The following GATM variants were observed in gnomAD, a reference collection of about 807,000 sequenced individuals.
The protein encoded by GATM is glycine amidinotransferase, mitochondrial.
In GATM, 23 loss-of-function variants were observed where a neutral mutation model predicts 54.2. The ratio of observed to expected loss-of-function variants is 0.42; its 90% CI spans 0.31 to 0.60. The LOEUF (loss-of-function observed/expected upper bound fraction) is 0.60, where lower values mean the gene tolerates loss of function less well. Ranked by LOEUF, GATM falls within the 20% of genes least tolerant of loss-of-function variation. The pLI, the probability that GATM is intolerant of heterozygous loss-of-function variation, is 0.14. For missense variants in GATM, 401 were observed against 544.9 expected (o/e 0.74, Z 2.63); for synonymous variants, 168 against 183.1 (o/e 0.92, Z 0.67).
intron 1 of GATM, chr15:45,377,347 A>C: frequency 2.4e-6 from 1 of 424,774 alleles, no homozygotes; most frequent in South Asian, 1.7e-5. Flanking sequence ...ACCAGCTTCA[A>C]ATCAAATTTT....
chr15:45,394,412 G>C (rs1889904946), intron 3 of GATM, among the ~76,000 whole-genome samples: 1 of 152,160 alleles, frequency 6.6e-6, no homozygotes, highest in Non-Finnish European at 1.5e-5. Flanking sequence ...GGGGACTGCT[G>C]AAGTAGAGGA....
intron 1 of GATM, among the ~76,000 whole-genome samples, chr15:45,401,226 A>G (rs1452380090): frequency 6.6e-6 from 1 of 152,200 alleles, no homozygotes; most frequent in Non-Finnish European, 1.5e-5. Flanking sequence ...ACAGAATGAG[A>G]TCAGGAACTG....
chr15:45,369,875 G>C (rs1889510830), intron 2 of GATM, among the ~76,000 whole-genome samples: 1 of 152,090 alleles, frequency 6.6e-6, no homozygotes, highest in Non-Finnish European at 1.5e-5. Context: ...TTCTATTAGA[G>C]AGCCTCAATA....
At chr15:45,373,839 A>C (rs1323126660) in intron 2 of GATM, among the ~76,000 whole-genome samples, 1 of 152,222 alleles carries the variant, frequency 6.6e-6, no homozygotes, top group East Asian at 1.9e-4. Flanking sequence ...ACATGGCATG[A>C]AACAGAAATA....
At chr15:45,381,898 G>A (rs55721266), upstream of GATM, among the ~76,000 whole-genome samples, 14,968 of 152,246 alleles carry the variant, frequency 0.098, 838 homozygotes, top group Middle Eastern at 0.25. Flanking sequence ...AATATATTTG[G>A]AAGGATACAC....
chr15:45,366,665 A>G (rs138711936), intron 4 of GATM, among the ~76,000 whole-genome samples, 157 bp from the exon 5 acceptor site: 26 of 152,358 alleles, frequency 1.7e-4, no homozygotes, highest in African/African-American at 6.3e-4. Flanking sequence ...CGGGTCCATG[A>G]TAAATAAACC....
intron 2 of GATM, among the ~76,000 whole-genome samples, chr15:45,369,950 C>A (rs1186670060): frequency 1.3e-5 from 2 of 152,152 alleles, no homozygotes; most frequent in Admixed American, 1.3e-4. Context: ...AAGCCAAAAC[C>A]ATGGGCTATC....
intron 2 of GATM, chr15:45,397,284 C>T (rs1440917512): frequency 6.6e-6 from 1 of 151,964 alleles, no homozygotes; most frequent in Non-Finnish European, 1.5e-5. Flanking sequence ...TTTGTTCTAC[C>T]AAGGCAATTC....
intron 8 of GATM, among the ~76,000 whole-genome samples, 187 bp from the exon 9 acceptor site, chr15:45,362,408 C>T (rs1226806910): frequency 1.3e-5 from 2 of 152,134 alleles, no homozygotes; most frequent in African/African-American, 4.8e-5. Flanking sequence ...AAAATCTTCT[C>T]CAAAAAGTCA....
chr15:45,374,101 C>T (rs1000093876), intron 2 of GATM, among the ~76,000 whole-genome samples: 2 of 152,158 alleles, frequency 1.3e-5, no homozygotes, highest in African/African-American at 2.4e-5. Flanking sequence ...AGGTAGATAG[C>T]AAACTAGCAA....
chr15:45,375,041 C>T (rs1290840213), intron 2 of GATM, among the ~76,000 whole-genome samples: 2 of 152,068 alleles, frequency 1.3e-5, no homozygotes, highest in South Asian at 4.1e-4. Flanking sequence ...GATATAAGAA[C>T]GTTACAGATA....
chr15:45,378,424 C>A lies in GATM; in HGVS notation c.30G>T (p.Gly10=), dbSNP rs929095379. Residue 10 remains glycine (G), a synonymous_variant, in exon 1 of 9, where the codon GGG becomes GGT. Coordinates refer to ENST00000396659, the MANE Select transcript of GATM (RefSeq NM_001482.3). MLRVRCLRG[G]SRGAEAVHYI... is the part of the protein sequence containing the mutation. ...AGTGCACCGCCTCGGCGCCGCGGCT[C>A]CCGCCGCGCAGACACCGCACCCGCA... is the stretch of plus-strand genomic sequence containing the variant. The A allele has an allele frequency of 2.0e-6, 3 of 1,503,952 alleles. No individual in the cohort carries two copies. Among genetic ancestry groups the A allele is most frequent in the South Asian group, 1.2e-5 (1 of 80,428 alleles). The allele number at this position is 1,503,952 out of a possible 1,614,324, so 93.2% of individuals were successfully genotyped here. A position where few individuals can be genotyped will look rare whatever the true frequency, so the allele number is the denominator to read the frequency against.
chr15:45,378,620 C>T (rs2140661691), upstream of GATM: 1 of 507,718 alleles, frequency 2.0e-6, no homozygotes, highest in Non-Finnish European at 3.4e-6. Flanking sequence ...CATTGGCTGC[C>T]GGGAACAGGT....
intron 3 of GATM, among the ~76,000 whole-genome samples, chr15:45,391,495 C>T (rs951240851): frequency 1.2e-4 from 18 of 152,162 alleles, no homozygotes; most frequent in African/African-American, 3.9e-4. Flanking sequence ...TGTGCCTAAC[C>T]GTTGAGCAAG....
At chr15:45,379,770 C>T (rs549847024), upstream of GATM, 1 of 152,110 alleles carries the variant, frequency 6.6e-6, no homozygotes, top group Non-Finnish European at 1.5e-5. Flanking sequence ...GGCGGATTGC[C>T]TGAGGTCAGG....
chr15:45,398,385 G>C (rs904236171), intron 2 of GATM, among the ~76,000 whole-genome samples: 1 of 152,202 alleles, frequency 6.6e-6, no homozygotes, highest in Non-Finnish European at 1.5e-5. Context: ...CTTTCAGAAT[G>C]ATGTTCTATG....
At chr15:45,371,229 C>A (rs1889538836) in intron 2 of GATM, among the ~76,000 whole-genome samples, 1 of 152,116 alleles carries the variant, frequency 6.6e-6, no homozygotes, top group Non-Finnish European at 1.5e-5. Flanking sequence ...AAGCAGAACG[C>A]CAATCAGAGA....
chr15:45,392,398 G>A (rs1242553212), intron 3 of GATM, among the ~76,000 whole-genome samples: 2 of 152,198 alleles, frequency 1.3e-5, no homozygotes, highest in African/African-American at 4.8e-5. Flanking sequence ...TGTGTGTAAT[G>A]TTTCAAAATG....
Position 45,376,620 on chromosome 15 carries a change from G to A in GATM, c.269C>T (p.Pro90Leu), listed in dbSNP as rs1261342154. 3.7e-6 allele frequency: 6 copies of A among 1,614,150 alleles called. No individual in the cohort carries two copies. Among genetic ancestry groups the A allele is most frequent in the Non-Finnish European group, 5.1e-6 (6 of 1,180,004 alleles). ...CTTTACCTTCACCTCGATGGTGAAC[G>A]GTGGAACACAGGCGTTTTCTGCTCT... ...VGRAENACVP[P>L]FTIEVKANTY... Residue 90 changes from proline to leucine, a missense_variant, in exon 2 of 9, where the codon CCG becomes CTG. Around this residue, in one of 3 missense-constraint regions of GATM, gnomAD observed 321 missense variants for 457.5 expected, o/e 0.70. Transcript: ENST00000396659.
Sources: gnomAD v4.1 joint callset for allele counts (sites outside exome capture counted in the v4.1 genomes callset) on GRCh38, gnomAD v4.1.1 for gene constraint, gnomAD v4.1.1 regional missense constraint, MANE v1.5 for transcripts, NCBI Gene and HGNC (gene_info 2026-07-23, HGNC 2026-07-21) for gene names.